Variants in CSGALNACT1 observed in about 807,000 individuals in gnomAD.
CSGALNACT1 encodes beta4GalNAcT-1.
Under a neutral mutation model 51.0 loss-of-function variants are expected in CSGALNACT1, and 52 were observed. The ratio of observed to expected loss-of-function variants is 1.02; its 90% CI spans 0.82 to 1.29. The LOEUF (loss-of-function observed/expected upper bound fraction) is 1.29. Among genes scored for constraint, CSGALNACT1 ranks in the 50% most tolerant of loss-of-function variants. The pLI is 0.00. For synonymous variants in CSGALNACT1, 341 were observed against 254.4 expected, an observed-to-expected ratio of 1.34 and a Z score of -3.24; for missense variants, 935 against 679.2, an observed-to-expected ratio of 1.38 and a Z score of -4.19.
At chr8:19,554,308 T>C (rs1327551585) in intron 3 of CSGALNACT1, among the ~76,000 whole-genome samples, 1 of 151,982 alleles carries the variant, frequency 6.6e-6, no homozygotes, top group Non-Finnish European at 1.5e-5. Context: ...GGAAAATAAG[T>C]TGGTTAACTT....
At chr8:19,501,110 C>T (rs770904282) in intron 4 of CSGALNACT1, among the ~76,000 whole-genome samples, 7 of 151,566 alleles carry the variant, frequency 4.6e-5, no homozygotes, top group Non-Finnish European at 1.0e-4. Context: ...ATTAACCAAG[C>T]ATAGTGGCAC....
exon 5 of CSGALNACT1, chr8:19,458,455 G>T (rs946505791): frequency 1.2e-6 from 2 of 1,614,188 alleles, no homozygotes; most frequent in African/African-American, 2.7e-5. Flanking sequence ...GCCGGAACTT[G>T]TCCACCCTTT....
At chr8:19,411,692 C>G (rs965067977) in intron 8 of CSGALNACT1, among the ~76,000 whole-genome samples, 3 of 152,172 alleles carry the variant, frequency 2.0e-5, no homozygotes, top group African/African-American at 7.2e-5. Context: ...CCATTCTGTT[C>G]AAGCACTGAC....
chr8:19,526,262 T>C (rs2081680088), intron 3 of CSGALNACT1, among the ~76,000 whole-genome samples: 1 of 152,140 alleles, frequency 6.6e-6, no homozygotes, highest in Admixed American at 6.5e-5. Flanking sequence ...GCAGAACAGC[T>C]ATTACTCAAG....
intron 1 of CSGALNACT1, among the ~76,000 whole-genome samples, chr8:19,618,968 C>T (rs1025624498): frequency 6.6e-6 from 1 of 152,060 alleles, no homozygotes; most frequent in Admixed American, 6.6e-5. Context: ...TCTCATGCCC[C>T]CTTCCTCCAG....
At chr8:19,524,828 A>G (rs1186658372) in intron 3 of CSGALNACT1, among the ~76,000 whole-genome samples, 1 of 152,218 alleles carries the variant, frequency 6.6e-6, no homozygotes, top group East Asian at 1.9e-4. Flanking sequence ...AAACAAGAAC[A>G]TAACAAAACA....
At chr8:19,636,426 G>A (rs751660989) in intron 1 of CSGALNACT1, among the ~76,000 whole-genome samples, 50 of 152,256 alleles carry the variant, frequency 3.3e-4, no homozygotes, top group Admixed American at 3.3e-4. Context: ...AAGAGGAAAC[G>A]ACTGTGTAAG....
At chr8:19,593,732 C>G (rs1032623861) in intron 2 of CSGALNACT1, among the ~76,000 whole-genome samples, 1 of 152,216 alleles carries the variant, frequency 6.6e-6, no homozygotes, top group African/African-American at 2.4e-5. Context: ...CACTGTGCAG[C>G]TCCTCTCATT....
At chr8:19,426,050 G>T (rs1340302712) in intron 6 of CSGALNACT1, among the ~76,000 whole-genome samples, 1 of 152,168 alleles carries the variant, frequency 6.6e-6, no homozygotes, top group Non-Finnish European at 1.5e-5. Flanking sequence ...GACTCCACAG[G>T]CTTCAAGGAC....
At chr8:19,603,648 C>T (rs1204591257), upstream of CSGALNACT1, among the ~76,000 whole-genome samples, 1 of 152,214 alleles carries the variant, frequency 6.6e-6, no homozygotes, top group African/African-American at 2.4e-5. Flanking sequence ...ATTTGGCTTC[C>T]AATCCATCTC....
At chr8:19,413,892 G>C (rs572676665) in intron 8 of CSGALNACT1, among the ~76,000 whole-genome samples, 1 of 152,300 alleles carries the variant, frequency 6.6e-6, no homozygotes, top group Admixed American at 6.5e-5. Context: ...GGTGACTATG[G>C]AGCTGGTACC....
chr8:19,527,024 A>G (rs946329446), intron 3 of CSGALNACT1, among the ~76,000 whole-genome samples: 3 of 152,196 alleles, frequency 2.0e-5, no homozygotes, highest in Admixed American at 2.0e-4. Context: ...CCACCTATCT[A>G]TATCTATCTA....
chr8:19,550,567 T>C (rs1408878383), intron 3 of CSGALNACT1, among the ~76,000 whole-genome samples: 1 of 152,186 alleles, frequency 6.6e-6, no homozygotes, highest in Non-Finnish European at 1.5e-5. Flanking sequence ...GAGACGTCTT[T>C]CCTGCTTATT....
intron 5 of CSGALNACT1, among the ~76,000 whole-genome samples, chr8:19,454,204 C>T (rs187979532): frequency 1.3e-5 from 2 of 152,260 alleles, no homozygotes; most frequent in Admixed American, 1.3e-4. Flanking sequence ...CAAACACTTG[C>T]GACGTTTCTT....
At chr8:19,696,593 G>T (rs905870766) in intron 1 of CSGALNACT1, among the ~76,000 whole-genome samples, 1 of 152,186 alleles carries the variant, frequency 6.6e-6, no homozygotes, top group Non-Finnish European at 1.5e-5. Context: ...GGGCTCCCCA[G>T]TTTCAGACCG....
At chr8:19,678,875 C>G (rs1316932918) in intron 1 of CSGALNACT1, 2 of 152,152 alleles carry the variant, frequency 1.3e-5, no homozygotes, top group Non-Finnish European at 2.9e-5. Flanking sequence ...ATTATAATGA[C>G]AGTAACTACA....
intron 8 of CSGALNACT1, among the ~76,000 whole-genome samples, chr8:19,411,118 C>A (rs2055616708): frequency 6.6e-6 from 1 of 152,212 alleles, no homozygotes; most frequent in Non-Finnish European, 1.5e-5. Context: ...TACTTGCAGT[C>A]CTTCCTGCCT....
Position 19,505,106 on chromosome 8 carries a change from C to T in CSGALNACT1, c.634+95G>A. The T allele has an allele frequency of 2.1e-6, 3 of 1,400,674 alleles. No homozygotes were observed. The Admixed American group carries it at 5.0e-5, about 24-fold the overall frequency. The allele number at this position is 1,400,674 out of a possible 1,614,324, so 86.8% of individuals were successfully genotyped here. A position where few individuals can be genotyped will look rare whatever the true frequency, so the allele number is the denominator to read the frequency against. On this transcript the variant is annotated intron_variant, in intron 4 of 9. Coordinates refer to ENST00000454498, the Ensembl canonical transcript of CSGALNACT1. Reference sequence around the variant, plus strand: ...AAACTTTCCGCCAGCCATCCCAGAGCCAGCTGCCAGCCTCCTGGAGCTGGA... The same window carrying T: ...AAACTTTCCGCCAGCCATCCCAGAGTCAGCTGCCAGCCTCCTGGAGCTGGA...
chr8:19,619,298 G>C lies in CSGALNACT1; in HGVS notation c.-543-17433C>G, dbSNP rs75814519. Reference sequence around the variant, plus strand: ...AGCACAGACATGAGAAAGCATGGCAGAGTTTGGAACCTGTGAGGAATACAA... The same window carrying C: ...AGCACAGACATGAGAAAGCATGGCACAGTTTGGAACCTGTGAGGAATACAA... On this transcript the variant is annotated intron_variant, in intron 1 of 9. Coordinates refer to the CSGALNACT1 transcript ENST00000332246. 8.1e-4 allele frequency among the ~76,000 whole-genome samples: 123 copies of C among 152,024 alleles called. 1 individual carries two copies. In the East Asian group the frequency reaches 0.021, roughly 26 times the overall value.
Sources: allele counts gnomAD v4.1 joint callset (sites outside exome capture counted in the v4.1 genomes callset), GRCh38; gene constraint gnomAD v4.1.1; transcripts MANE v1.5; gene names NCBI Gene and HGNC (gene_info 2026-07-23, HGNC 2026-07-21).